The following ADGRG7 variants were observed in gnomAD, a reference collection of about 807,000 sequenced individuals.
ADGRG7 encodes G-protein coupled receptor 128.
Under a neutral mutation model 88.6 loss-of-function variants are expected in ADGRG7, and 82 were observed. The ratio of observed to expected loss-of-function variants is 0.93; its 90% CI spans 0.77 to 1.11. The LOEUF (loss-of-function observed/expected upper bound fraction) is 1.11, where lower values mean the gene tolerates loss of function less well. Ranked by LOEUF, ADGRG7 falls within the 50% of genes most tolerant of loss-of-function variation. The probability of loss-of-function intolerance (pLI) is 0.00; values close to 1 mark genes in which losing one functional copy is unlikely to be tolerated. For missense variants in ADGRG7, 945 were observed against 953.4 expected (o/e 0.99, Z 0.12); for synonymous variants, 381 against 345.2 (o/e 1.10, Z -1.15).
chr3:100,695,118 T>A lies in ADGRG7; in HGVS notation c.*117T>A. The A allele has an allele frequency of 9.4e-7, 1 of 1,062,946 alleles. No homozygotes were observed. Among genetic ancestry groups the A allele is most frequent in the South Asian group, 1.6e-5 (1 of 62,392 alleles). 65.8% of individuals were successfully genotyped at this position (1,062,946 alleles called of 1,614,324 possible). On this transcript the variant is annotated 3_prime_UTR_variant, in exon 16 of 16. Transcript: ENST00000273352. Reference sequence around the variant, plus strand: ...TTCCTCAATGTATTTTGCTCAGGATTAAGAATTAGATAAAACCTGTTGTTT... The same window carrying A: ...TTCCTCAATGTATTTTGCTCAGGATAAAGAATTAGATAAAACCTGTTGTTT...
chr3:100,649,714 A>G lies in ADGRG7; in HGVS notation c.1286A>G (p.Gln429Arg). The change falls in exon 11 of 16, where the codon CAA becomes CGA. Residue 429 changes from glutamine (Q) to arginine (R), a missense_variant. Coordinates refer to ENST00000273352, the MANE Select transcript of ADGRG7 (RefSeq NM_032787.3). ...AVLMTFKKDY[Q>R]YPKSLDILSN... ...TTTCAGACTTTCAAAAAGGATTATCAATATCCCAAATCACTTGACATATTA... is the reference window on the plus strand; with the variant it reads ...TTTCAGACTTTCAAAAAGGATTATCGATATCCCAAATCACTTGACATATTA... 6.2e-7 allele frequency: 1 copy of G among 1,600,426 alleles called. No homozygotes were observed. Among genetic ancestry groups the G allele is most frequent in the Non-Finnish European group, 8.6e-7 (1 of 1,168,668 alleles).
chr3:100,615,231 A>G (rs1375192428), intron 1 of ADGRG7, among the ~76,000 whole-genome samples: 1 of 152,198 alleles, frequency 6.6e-6, no homozygotes, highest in Non-Finnish European at 1.5e-5. Context: ...TGAATAACTA[A>G]TGTCACTTTT....
At chr3:100,692,360 G>A (rs935428885) in intron 15 of ADGRG7, among the ~76,000 whole-genome samples, 3 of 152,176 alleles carry the variant, frequency 2.0e-5, no homozygotes, top group Non-Finnish European at 4.4e-5. Flanking sequence ...AGATCAATAA[G>A]TAGGGTAAGC....
At chr3:100,674,024 G>A (rs1268030745) in intron 15 of ADGRG7, among the ~76,000 whole-genome samples, 1 of 152,096 alleles carries the variant, frequency 6.6e-6, no homozygotes, top group Non-Finnish European at 1.5e-5. Context: ...TGGGCATTTA[G>A]TGCTATAAAT....
In ADGRG7 at chr3:100,679,251, C is replaced by A. The variant is rs570128154; in HGVS notation, c.2136+10146C>A. Among the ~76,000 whole-genome samples, 3 of 152,336 alleles carry A rather than the reference C, an allele frequency of 2.0e-5. No individual in the cohort carries two copies. The South Asian group carries it at 6.2e-4, about 32-fold the overall frequency. ...TCTCTTTCCATGGCTACCACCACTT[C>A]AGGCCTGTGACAAACATTGCCTGGC... On this transcript the variant is annotated intron_variant, in intron 15 of 15. Transcript: ENST00000273352.
chr3:100,615,930 A>G (rs1372487813), intron 1 of ADGRG7, among the ~76,000 whole-genome samples: 1 of 152,160 alleles, frequency 6.6e-6, no homozygotes, highest in Non-Finnish European at 1.5e-5. Context: ...AACCAAGAAA[A>G]GAAGATTAGA....
At chr3:100,686,407 T>C (rs1431637357) in intron 15 of ADGRG7, among the ~76,000 whole-genome samples, 2 of 152,232 alleles carry the variant, frequency 1.3e-5, no homozygotes, top group Non-Finnish European at 2.9e-5. Flanking sequence ...ATTTTGGCCT[T>C]TGTTGCCATT....
chr3:100,642,120 T>C (rs1010622296), intron 6 of ADGRG7, among the ~76,000 whole-genome samples: 1 of 152,214 alleles, frequency 6.6e-6, no homozygotes, highest in Non-Finnish European at 1.5e-5. Context: ...CCTGTATATC[T>C]ACCACATCTT....
intron 6 of ADGRG7, among the ~76,000 whole-genome samples, chr3:100,640,358 T>C (rs1707620081): frequency 1.3e-5 from 2 of 152,150 alleles, no homozygotes; most frequent in South Asian, 4.1e-4. Context: ...ATTGCCTTTC[T>C]ATAGTATAGG....
chr3:100,624,003 A>G (rs187191346), intron 1 of ADGRG7, among the ~76,000 whole-genome samples: 2 of 152,288 alleles, frequency 1.3e-5, no homozygotes, highest in Non-Finnish European at 2.9e-5. Flanking sequence ...TAGTGCTGCA[A>G]TAAACATATG....
chr3:100,679,015 C>T (rs2094969349), intron 15 of ADGRG7, among the ~76,000 whole-genome samples: 1 of 152,198 alleles, frequency 6.6e-6, no homozygotes, highest in African/African-American at 2.4e-5. Context: ...GGTGGCAAAT[C>T]TAGCCAGGCT....
chr3:100,681,293 ATCTTT>A (rs200950790), intron 15 of ADGRG7, among the ~76,000 whole-genome samples: 10 of 150,070 alleles, frequency 6.7e-5, no homozygotes, highest in Non-Finnish European at 1.2e-4. Context: ...ATTGAAAGAC[ATCTTT>A]TCTTTTCTTT....
chr3:100,675,579 G>A (rs2094964048), intron 15 of ADGRG7, among the ~76,000 whole-genome samples: 1 of 151,928 alleles, frequency 6.6e-6, no homozygotes, highest in Non-Finnish European at 1.5e-5. Context: ...TCTTTTTGAT[G>A]TGCCTTTTTC....
chr3:100,647,147 ACT>A (rs1166627666), intron 10 of ADGRG7, among the ~76,000 whole-genome samples: 1 of 152,174 alleles, frequency 6.6e-6, no homozygotes, highest in East Asian at 1.9e-4. Flanking sequence ...ACAGAGTGAG[ACT>A]CTGTCTCGAA....
intron 6 of ADGRG7, among the ~76,000 whole-genome samples, chr3:100,639,010 C>CTGTGTGTGTGTG (rs56088926): frequency 6.8e-6 from 1 of 147,032 alleles, no homozygotes; most frequent in African/African-American, 2.6e-5. Context: ...CCCTCTGTTT[C>CTGTGTGTGTGTG]TGTGTGTGTG....
intron 14 of ADGRG7, among the ~76,000 whole-genome samples, chr3:100,661,668 A>T (rs2094945860): frequency 6.6e-6 from 1 of 152,238 alleles, no homozygotes; most frequent in Non-Finnish European, 1.5e-5. Context: ...TAATGATCTC[A>T]AACAATATTC....
intron 15 of ADGRG7, among the ~76,000 whole-genome samples, chr3:100,689,326 T>C (rs1192154082): frequency 5.3e-5 from 8 of 152,224 alleles, no homozygotes; most frequent in Non-Finnish European, 7.3e-5. Flanking sequence ...CTTGACTCTT[T>C]ATCCAATTTG....
At chr3:100,687,774 T>G (rs1212350826) in intron 15 of ADGRG7, among the ~76,000 whole-genome samples, 2 of 152,194 alleles carry the variant, frequency 1.3e-5, no homozygotes, top group Non-Finnish European at 2.9e-5. Context: ...CTGGATTCGG[T>G]TTGCCAGTAT....
chr3:100,625,333 G>A (rs1205567460), intron 1 of ADGRG7, among the ~76,000 whole-genome samples: 4 of 152,090 alleles, frequency 2.6e-5, no homozygotes, highest in Admixed American at 2.6e-4. Flanking sequence ...TTGGCTCCCT[G>A]CTTGTCTATT....
Sources: gnomAD v4.1 joint callset for allele counts (sites outside exome capture counted in the v4.1 genomes callset) on GRCh38, gnomAD v4.1.1 for gene constraint, MANE v1.5 for transcripts, NCBI Gene and HGNC (gene_info 2026-07-23, HGNC 2026-07-21) for gene names.